The following TBC1D1 variants were observed in gnomAD, a reference collection of about 807,000 sequenced individuals.
The protein encoded by TBC1D1 is TBC1 domain family member 1.
In TBC1D1, 89 loss-of-function variants were observed where a neutral mutation model predicts 125.6. That is an observed-to-expected ratio of 0.71 (90% CI 0.60 to 0.85). The LOEUF (loss-of-function observed/expected upper bound fraction) is 0.85, where lower values mean the gene tolerates loss of function less well. Ranked by LOEUF, TBC1D1 falls within the 40% of genes least tolerant of loss-of-function variation. The pLI is 0.00. For missense variants in TBC1D1, 1,377 were observed against 1,469.2 expected (o/e 0.94, Z 1.03); for synonymous variants, 565 against 564.1 (o/e 1.00, Z -0.02).
At chr4:38,094,518 A>G (rs1317336884) in intron 13 of TBC1D1, among the ~76,000 whole-genome samples, 2 of 152,188 alleles carry the variant, frequency 1.3e-5, no homozygotes, top group Non-Finnish European at 1.5e-5. Flanking sequence ...GTTCTGCACC[A>G]TCTGCCTTGG....
At chr4:38,051,922 A>C (rs1006727284) in intron 11 of TBC1D1, 265 of 1,548,806 alleles carry the variant, frequency 1.7e-4, no homozygotes, top group Non-Finnish European at 2.1e-4. Context: ...CCTGTGGGTG[A>C]GTCTAAGCAC....
intron 12 of TBC1D1, among the ~76,000 whole-genome samples, chr4:38,059,973 G>A (rs1752472423): frequency 6.6e-6 from 1 of 152,152 alleles, no homozygotes; most frequent in African/African-American, 2.4e-5. Flanking sequence ...AAAACATGTG[G>A]TGTTTGGTTT....
intron 18 of TBC1D1, among the ~76,000 whole-genome samples, chr4:38,131,952 C>G (rs1158749123): frequency 6.6e-6 from 1 of 152,122 alleles, no homozygotes; most frequent in Non-Finnish European, 1.5e-5. Flanking sequence ...AAATTCATCT[C>G]AAGGAAGAGA....
intron 15 of TBC1D1, among the ~76,000 whole-genome samples, chr4:38,105,244 CTA>C (rs1375817953): frequency 2.0e-5 from 3 of 152,130 alleles, no homozygotes; most frequent in African/African-American, 4.8e-5. Context: ...CTGCTGCTGC[CTA>C]ACTTCACCTT....
rs1038708672 is a variant in TBC1D1, at chr4:38,049,186, C to T, written c.1630-432C>T. ...TCGAATCTCAACAGTAGATCAGATT[C>T]GGAGAGAGCCTTAAAATGTGGGTTT... is the stretch of plus-strand genomic sequence containing the variant. On this transcript the variant is annotated intron_variant, in intron 10 of 19. Coordinates refer to ENST00000261439, the MANE Select transcript of TBC1D1 (RefSeq NM_015173.4). 1.6e-4 allele frequency among the ~76,000 whole-genome samples: 24 copies of T among 152,110 alleles called. 1 individual carries two copies. Among genetic ancestry groups the T allele is most frequent in the African/African-American group, 5.3e-4 (22 of 41,428 alleles).
intron 2 of TBC1D1, among the ~76,000 whole-genome samples, chr4:37,971,173 C>T (rs1731934859): frequency 6.6e-6 from 1 of 152,166 alleles, no homozygotes; most frequent in Admixed American, 6.6e-5. Flanking sequence ...CTCAGGAGTG[C>T]TGAGATGGTG....
At chr4:37,903,636 G>A (rs1716650212) in intron 2 of TBC1D1, among the ~76,000 whole-genome samples, 2 of 152,348 alleles carry the variant, frequency 1.3e-5, no homozygotes, top group East Asian at 1.9e-4. Context: ...TCTCTAGGGT[G>A]TAAGGACCTT....
intron 2 of TBC1D1, among the ~76,000 whole-genome samples, chr4:37,915,011 C>T (rs1234199054): frequency 6.6e-6 from 1 of 152,210 alleles, no homozygotes; most frequent in Non-Finnish European, 1.5e-5. Flanking sequence ...CAAATTATCT[C>T]GTTCGGAATC....
chr4:38,071,675 G>A (rs1413469593), intron 12 of TBC1D1, among the ~76,000 whole-genome samples: 1 of 152,150 alleles, frequency 6.6e-6, no homozygotes, highest in Non-Finnish European at 1.5e-5. Flanking sequence ...GAAGTGGTGT[G>A]GTTCTGTCTC....
intron 12 of TBC1D1, among the ~76,000 whole-genome samples, chr4:38,076,188 C>T (rs1418642811): frequency 6.6e-6 from 1 of 152,146 alleles, no homozygotes; most frequent in African/African-American, 2.4e-5. Flanking sequence ...GCAAACATGT[C>T]CTTCACATGG....
At chr4:38,061,664 T>C (rs1161455865) in intron 12 of TBC1D1, among the ~76,000 whole-genome samples, 1 of 152,222 alleles carries the variant, frequency 6.6e-6, no homozygotes, top group African/African-American at 2.4e-5. Context: ...GTTTTTTTTG[T>C]CTTGTGGATG....
At chr4:37,972,092 G>C (rs1215122464) in intron 2 of TBC1D1, among the ~76,000 whole-genome samples, 1 of 152,138 alleles carries the variant, frequency 6.6e-6, no homozygotes, top group Non-Finnish European at 1.5e-5. Context: ...AGACAATCAG[G>C]GCTGGAAACT....
intron 16 of TBC1D1, among the ~76,000 whole-genome samples, chr4:38,117,293 T>C (rs1253210202): frequency 3.9e-5 from 6 of 152,206 alleles, no homozygotes; most frequent in African/African-American, 1.4e-4. Context: ...TTGTTGTTTC[T>C]TTAGGCTCAG....
chr4:38,130,596 A>G lies in TBC1D1; in HGVS notation c.3133-2488A>G, dbSNP rs558830673. ...TTGCTCTGAGATGGGCCAGCAAGAA[A>G]GAAGATGAGAGCCAGTCCCCCTTGC... On this transcript the variant is annotated intron_variant, in intron 18 of 19. Coordinates refer to ENST00000261439, the MANE Select transcript of TBC1D1 (RefSeq NM_015173.4). Among the ~76,000 whole-genome samples the G allele has an allele frequency of 1.8e-3, 280 of 152,292 alleles. 2 individuals are homozygous for G. Among genetic ancestry groups the G allele is most frequent in the Non-Finnish European group, 3.5e-3 (241 of 68,022 alleles).
At chr4:37,979,805 G>T (rs1396778643) in intron 2 of TBC1D1, among the ~76,000 whole-genome samples, 1 of 152,236 alleles carries the variant, frequency 6.6e-6, no homozygotes, top group East Asian at 1.9e-4. Flanking sequence ...TTGAGACAGA[G>T]CTTCGCTCTT....
chr4:38,111,717 C>A (rs1762231126), intron 15 of TBC1D1, among the ~76,000 whole-genome samples: 1 of 152,236 alleles, frequency 6.6e-6, no homozygotes. Context: ...CTAAAAGGAT[C>A]TCAGCGACCT....
At chr4:38,065,810 T>C (rs1753628884) in intron 12 of TBC1D1, among the ~76,000 whole-genome samples, 1 of 152,130 alleles carries the variant, frequency 6.6e-6, no homozygotes, top group African/African-American at 2.4e-5. Context: ...CAGACCCAGC[T>C]AATTTTTTGT....
rs1347258851 is a variant in TBC1D1, at chr4:38,049,791, C to A, written c.1803C>A (p.Pro601=). The change falls in exon 11 of 20, where the codon CCC becomes CCA. Residue 601 remains proline (P), a synonymous_variant. Coordinates refer to ENST00000261439, the MANE Select transcript of TBC1D1 (RefSeq NM_015173.4). Reference sequence around the variant, plus strand: ...GAGCAAACACCCTGAGTCACTTCCCCATCGAATGCCAGGAACCTCCACAAC... The same window carrying A: ...GAGCAAACACCCTGAGTCACTTCCCAATCGAATGCCAGGAACCTCCACAAC... The A allele has an allele frequency of 1.2e-6, 2 of 1,614,198 alleles. No homozygotes were observed. Among genetic ancestry groups the A allele is most frequent in the Non-Finnish European group, 1.7e-6 (2 of 1,180,034 alleles).
chr4:37,957,051 A>T (rs556377035), intron 2 of TBC1D1, among the ~76,000 whole-genome samples: 1 of 152,264 alleles, frequency 6.6e-6, no homozygotes, highest in African/African-American at 2.4e-5. Flanking sequence ...CTTTGGGATT[A>T]TCTGCACCAT....
Sources: allele counts gnomAD v4.1 joint callset (sites outside exome capture counted in the v4.1 genomes callset), GRCh38; gene constraint gnomAD v4.1.1; transcripts MANE v1.5; gene names NCBI Gene and HGNC (gene_info 2026-07-23, HGNC 2026-07-21).